The following UST variants were observed in gnomAD, a reference collection of about 807,000 sequenced individuals.
UST encodes chondroitin sulfate 2-O-sulfotransferase.
A neutral mutation model predicts 45.6 loss-of-function variants in UST; 21 were observed. The ratio of observed to expected loss-of-function variants is 0.46; its 90% CI spans 0.33 to 0.66. The LOEUF is 0.66. UST is among the 30% of genes least tolerant of loss of function. UST has a pLI of 0.02. For missense variants in UST, 463 were observed against 512.4 expected, an observed-to-expected ratio of 0.90 and a Z score of 0.93; for synonymous variants, 215 against 200.6, an observed-to-expected ratio of 1.07 and a Z score of -0.61.
At chr6:148,786,916 G>A (rs1225113114) in intron 1 of UST, among the ~76,000 whole-genome samples, 6 of 152,160 alleles carry the variant, frequency 3.9e-5, no homozygotes, top group Admixed American at 3.9e-4. Context: ...TCTGACTGGT[G>A]TGAGATGGTA....
chr6:148,862,434 G>A (rs1191861679), intron 1 of UST, among the ~76,000 whole-genome samples: 1 of 152,128 alleles, frequency 6.6e-6, no homozygotes, highest in Non-Finnish European at 1.5e-5. Flanking sequence ...ACACTGATGG[G>A]TCTTGACTCT....
intron 1 of UST, among the ~76,000 whole-genome samples, chr6:148,823,059 C>T (rs1302269447): frequency 6.6e-6 from 1 of 152,218 alleles, no homozygotes; most frequent in East Asian, 1.9e-4. Context: ...TGTTTCCCCA[C>T]ATCTGTCTAC....
chr6:149,013,940 G>A (rs1183182448), intron 5 of UST, among the ~76,000 whole-genome samples: 1 of 152,228 alleles, frequency 6.6e-6, no homozygotes, highest in Admixed American at 6.5e-5. Flanking sequence ...CACCTTTTGT[G>A]ATAAAATTAA....
chr6:148,780,029 G>A (rs1776610175), intron 1 of UST, among the ~76,000 whole-genome samples: 1 of 151,168 alleles, frequency 6.6e-6, no homozygotes, highest in Non-Finnish European at 1.5e-5. Context: ...GATCAGTGAG[G>A]TATTATTGTA....
chr6:148,900,308 A>G (rs1311030735), intron 2 of UST, among the ~76,000 whole-genome samples: 1 of 151,990 alleles, frequency 6.6e-6, no homozygotes, highest in African/African-American at 2.4e-5. Context: ...CTGTATCGAT[A>G]TGGTTTGGCT....
intron 7 of UST, among the ~76,000 whole-genome samples, chr6:149,028,543 ATACAT>A (rs1348263791): frequency 6.6e-6 from 1 of 152,236 alleles, no homozygotes. Flanking sequence ...GTTACAGCTG[ATACAT>A]TACAAGGAAA....
At chr6:148,953,551 G>T (rs187411854) in intron 3 of UST, among the ~76,000 whole-genome samples, 192 of 152,284 alleles carry the variant, frequency 1.3e-3, no homozygotes, top group Non-Finnish European at 2.4e-3. Flanking sequence ...GGGAGGCCGA[G>T]GCGGGCGGAT....
At chr6:148,761,126 A>G (rs1776209052) in intron 1 of UST, among the ~76,000 whole-genome samples, 1 of 152,176 alleles carries the variant, frequency 6.6e-6, no homozygotes, top group Non-Finnish European at 1.5e-5. Context: ...ACAGAGCCTT[A>G]CTTCAAGGCC....
At chr6:148,819,090 C>A (rs964734840) in intron 1 of UST, among the ~76,000 whole-genome samples, 3 of 152,152 alleles carry the variant, frequency 2.0e-5, no homozygotes, top group African/African-American at 7.2e-5. Context: ...TGAAGCAAAA[C>A]CCCGCTGGGC....
At chr6:148,976,435 A>G (rs1460030938) in intron 5 of UST, among the ~76,000 whole-genome samples, 1 of 152,118 alleles carries the variant, frequency 6.6e-6, no homozygotes, top group African/African-American at 2.4e-5. Flanking sequence ...CACATTTCCA[A>G]TTCATACTCT....
At chr6:148,775,653 A>G (rs1776519826) in intron 1 of UST, among the ~76,000 whole-genome samples, 1 of 148,706 alleles carries the variant, frequency 6.7e-6, no homozygotes, top group African/African-American at 2.5e-5. Flanking sequence ...GCGGGGAGAG[A>G]GTCTCACTCT....
chr6:148,897,163 TA>T (rs902601111), intron 2 of UST, among the ~76,000 whole-genome samples: 18 of 146,746 alleles, frequency 1.2e-4, no homozygotes, highest in African/African-American at 4.2e-4. Context: ...ATTTTACTTT[TA>T]AAATTTTTTT....
chr6:148,874,331 G>A (rs941562721), intron 1 of UST, among the ~76,000 whole-genome samples: 25 of 152,274 alleles, frequency 1.6e-4, no homozygotes, highest in African/African-American at 6.0e-4. Flanking sequence ...ATTCTAAAAT[G>A]TATATTCAGA....
intron 5 of UST, among the ~76,000 whole-genome samples, chr6:148,987,479 G>A (rs1489559012): frequency 2.6e-5 from 4 of 152,048 alleles, no homozygotes; most frequent in Admixed American, 1.3e-4. Context: ...ACTGTGTAAC[G>A]TGAATAACAA....
At chr6:148,770,546 C>T (rs1776405297) in intron 1 of UST, among the ~76,000 whole-genome samples, 1 of 152,018 alleles carries the variant, frequency 6.6e-6, no homozygotes, top group East Asian at 1.9e-4. Flanking sequence ...CATTTTTAGA[C>T]CACAGAGTGA....
At chr6:148,969,975 G>A (rs985156539) in intron 5 of UST, among the ~76,000 whole-genome samples, 5 of 152,168 alleles carry the variant, frequency 3.3e-5, no homozygotes, top group African/African-American at 1.2e-4. Flanking sequence ...CTCCCTCTCC[G>A]AGGAGTAACG....
chr6:148,894,654 G>A (rs1228276466), intron 2 of UST, among the ~76,000 whole-genome samples: 1 of 152,082 alleles, frequency 6.6e-6, no homozygotes, highest in African/African-American at 2.4e-5. Flanking sequence ...CAAGTTTGTG[G>A]TACTTTGTTA....
intron 2 of UST, among the ~76,000 whole-genome samples, chr6:148,903,649 A>G (rs1208619956): frequency 1.4e-5 from 2 of 138,436 alleles, no homozygotes; most frequent in Non-Finnish European, 3.1e-5. Flanking sequence ...ATTTCTCAGT[A>G]TTTGATTTGT....
At chr6:148,809,438 A>C (rs1489318078) in intron 1 of UST, among the ~76,000 whole-genome samples, 1 of 152,062 alleles carries the variant, frequency 6.6e-6, no homozygotes, top group Non-Finnish European at 1.5e-5. Context: ...ACCCTTTGAA[A>C]GTCAGTTCAG....
Sources: gnomAD v4.1 joint callset for allele counts (sites outside exome capture counted in the v4.1 genomes callset) on GRCh38, gnomAD v4.1.1 for gene constraint, MANE v1.5 for transcripts, NCBI Gene and HGNC (gene_info 2026-07-23, HGNC 2026-07-21) for gene names.